Variants in GMPR observed in about 807,000 individuals in gnomAD.
The protein encoded by GMPR is guanosine monophosphate reductase.
In GMPR, 31 loss-of-function variants were observed where a neutral mutation model predicts 38.4. That is an observed-to-expected ratio of 0.81 (90% CI 0.61 to 1.09). The LOEUF (loss-of-function observed/expected upper bound fraction) is 1.09, where lower values mean the gene tolerates loss of function less well. Ranked by LOEUF, GMPR falls within the 50% of genes least tolerant of loss-of-function variation. GMPR has a pLI of 0.00. For missense variants in GMPR, 468 were observed against 453.7 expected (o/e 1.03, Z -0.29); for synonymous variants, 162 against 173.3 (o/e 0.93, Z 0.51).
At chr6:16,285,706 C>T (rs1293484270) in intron 6 of GMPR, 87 bp from the exon 7 acceptor site, 18 of 1,115,874 alleles carry the variant, frequency 1.6e-5, no homozygotes, top group Middle Eastern at 2.0e-4. Flanking sequence ...GGTCTGAACC[C>T]CCAGTCACTA....
intron 3 of GMPR, among the ~76,000 whole-genome samples, chr6:16,253,320 G>C (rs1758910522): frequency 1.3e-5 from 2 of 152,244 alleles, no homozygotes; most frequent in Admixed American, 1.3e-4. Context: ...CATTGCTTTA[G>C]AGAAATACCT....
chr6:16,280,815 G>C (rs1412029888), intron 6 of GMPR, among the ~76,000 whole-genome samples: 1 of 152,150 alleles, frequency 6.6e-6, no homozygotes, highest in Non-Finnish European at 1.5e-5. Context: ...GTTAACCATT[G>C]AGCATCTCCA....
At chr6:16,242,182 C>T (rs767372676) in intron 1 of GMPR, among the ~76,000 whole-genome samples, 24 of 152,208 alleles carry the variant, frequency 1.6e-4, no homozygotes, top group Non-Finnish European at 2.9e-4. Flanking sequence ...CTTAAAACTT[C>T]ATAGCAGTTT....
chr6:16,258,078 T>G (rs1279597600), intron 4 of GMPR: 1 of 152,216 alleles, frequency 6.6e-6, no homozygotes, highest in Non-Finnish European at 1.5e-5. Flanking sequence ...GATGGGATGC[T>G]GTTTTGTAAC....
At chr6:16,265,897 A>C (rs923606141) in intron 4 of GMPR, among the ~76,000 whole-genome samples, 1 of 152,154 alleles carries the variant, frequency 6.6e-6, no homozygotes, top group Non-Finnish European at 1.5e-5. Context: ...TGTAACACTT[A>C]CTGCAAAGAT....
At chr6:16,250,411 G>A (rs757504978) in intron 3 of GMPR, 44 bp downstream of exon 3, 1 of 1,083,606 alleles carries the variant, frequency 9.2e-7, no homozygotes, top group East Asian at 2.3e-5. Context: ...CTGCAGGGGG[G>A]AACAAAATCT....
rs568378331 is a variant in GMPR at position 16,260,358 on chromosome 6, A to G, written c.465+5623A>G. On this transcript the variant is annotated intron_variant, in intron 4 of 8. Transcript: ENST00000259727. ...TATAGAGGTGGGAAGGCTAAACTGA[A>G]GAATTATTTCTGACAGAAGGGAGGA... 2.1e-3 allele frequency among the ~76,000 whole-genome samples: 317 copies of G among 152,052 alleles called. 2 individuals carry two copies. Among genetic ancestry groups the G allele is most frequent in the Non-Finnish European group, 2.4e-3 (165 of 68,032 alleles).
At chr6:16,240,657 G>T (rs1758630367) in intron 1 of GMPR, among the ~76,000 whole-genome samples, 3 of 152,194 alleles carry the variant, frequency 2.0e-5, no homozygotes, top group Admixed American at 6.5e-5. Context: ...GTAATAGAAT[G>T]AATTACTCCT....
At chr6:16,249,764 T>C (rs1302985352) in intron 2 of GMPR, among the ~76,000 whole-genome samples, 2 of 152,280 alleles carry the variant, frequency 1.3e-5, no homozygotes, top group Non-Finnish European at 2.9e-5. Flanking sequence ...TTATACTTTA[T>C]ATAATTCCCA....
chr6:16,271,219 C>T (rs1034915696), intron 4 of GMPR, among the ~76,000 whole-genome samples: 1 of 152,160 alleles, frequency 6.6e-6, no homozygotes, highest in African/African-American at 2.4e-5. Flanking sequence ...GGCGCAGTGG[C>T]TCATGCCTGT....
intron 1 of GMPR, among the ~76,000 whole-genome samples, chr6:16,240,306 G>A (rs1758622293): frequency 1.3e-5 from 2 of 152,170 alleles, no homozygotes; most frequent in African/African-American, 4.8e-5. Flanking sequence ...AACCTGAGGT[G>A]GAAGGATTGC....
intron 1 of GMPR, among the ~76,000 whole-genome samples, chr6:16,242,780 A>G (rs1254529941): frequency 6.6e-6 from 1 of 152,140 alleles, no homozygotes; most frequent in East Asian, 1.9e-4. Context: ...CTGGGATTAT[A>G]GGCATGCACC....
chr6:16,243,600 G>A (rs555858470), intron 1 of GMPR, among the ~76,000 whole-genome samples: 2 of 152,294 alleles, frequency 1.3e-5, no homozygotes, highest in South Asian at 2.1e-4. Flanking sequence ...GCTAATGAGC[G>A]ATCTATATAA....
intron 7 of GMPR, among the ~76,000 whole-genome samples, chr6:16,288,423 G>A (rs892088526): frequency 6.6e-6 from 1 of 152,328 alleles, no homozygotes; most frequent in South Asian, 2.1e-4. Flanking sequence ...AGGGTGTGCT[G>A]GGTCCTCCAG....
At chr6:16,289,740 C>T (rs1414198056) in intron 7 of GMPR, among the ~76,000 whole-genome samples, 1 of 150,668 alleles carries the variant, frequency 6.6e-6, no homozygotes, top group Non-Finnish European at 1.5e-5. Context: ...CAGGGAGTGT[C>T]AGAGTGTGGA....
intron 1 of GMPR, among the ~76,000 whole-genome samples, chr6:16,243,421 C>T (rs761827561): frequency 1.1e-4 from 17 of 152,106 alleles, no homozygotes; most frequent in Non-Finnish European, 2.9e-5. Context: ...GCTTTCAGGG[C>T]TTGGATCCAC....
intron 4 of GMPR, among the ~76,000 whole-genome samples, chr6:16,257,311 T>C (rs1210248417): frequency 1.3e-5 from 2 of 152,202 alleles, no homozygotes; most frequent in Non-Finnish European, 2.9e-5. Flanking sequence ...TCTCGCTTCA[T>C]CAGGCTGTTC....
intron 1 of GMPR, among the ~76,000 whole-genome samples, chr6:16,241,083 C>T (rs1758639832): frequency 6.6e-6 from 1 of 152,100 alleles, no homozygotes; most frequent in South Asian, 2.1e-4. Flanking sequence ...AAAAACTTTT[C>T]CTTGCACAAT....
intron 8 of GMPR, among the ~76,000 whole-genome samples, chr6:16,291,146 A>T (rs774331991): frequency 1.3e-5 from 2 of 152,214 alleles, no homozygotes; most frequent in Non-Finnish European, 2.9e-5. Flanking sequence ...CCGACACAGC[A>T]GCATTTTCAG....
Sources: gnomAD v4.1 joint callset for allele counts (sites outside exome capture counted in the v4.1 genomes callset) on GRCh38, gnomAD v4.1.1 for gene constraint, MANE v1.5 for transcripts, NCBI Gene and HGNC (gene_info 2026-07-23, HGNC 2026-07-21) for gene names.